The following PLCL1 variants were observed in gnomAD, a reference collection of about 807,000 sequenced individuals.
PLCL1 encodes the protein inactive phospholipase C-like protein 1.
A neutral mutation model predicts 84.4 loss-of-function variants in PLCL1; 41 were observed. That is an observed-to-expected ratio of 0.49 (90% CI 0.38 to 0.63). The LOEUF (loss-of-function observed/expected upper bound fraction) is 0.63. PLCL1 is among the 30% of genes least tolerant of loss of function. PLCL1 has a pLI of 0.00. For synonymous variants in PLCL1, 490 were observed against 488.3 expected (o/e 1.00, Z -0.05); for missense variants, 1,206 against 1,367.8 (o/e 0.88, Z 1.87).
At chr2:198,056,576 A>T (rs941244148) in intron 1 of PLCL1, among the ~76,000 whole-genome samples, 6 of 152,192 alleles carry the variant, frequency 3.9e-5, no homozygotes, top group Non-Finnish European at 8.8e-5. Flanking sequence ...TGATAATGAA[A>T]CCACCACGAA....
In PLCL1 at chr2:197,858,942, T is replaced by C. The variant is rs1687379569; in HGVS notation, c.240+53603T>C. ...AGCTGGTTACCTTGTTACTCCTCCA[T>C]GGGGCCTCTCTAGTGGACTAGCTCA... On this transcript the variant is annotated intron_variant, in intron 1 of 5. Transcript: ENST00000428675. Among the ~76,000 whole-genome samples, 4 of 152,224 alleles carry C rather than the reference T, an allele frequency of 2.6e-5. No individual in the cohort carries two copies. In the South Asian group the frequency reaches 8.3e-4, roughly 32 times the overall value.
chr2:197,807,251 A>T (rs1690504669), intron 1 of PLCL1, among the ~76,000 whole-genome samples: 1 of 152,218 alleles, frequency 6.6e-6, no homozygotes. Flanking sequence ...ATAGATGTTA[A>T]CACTTTCTTA....
At chr2:198,129,224 A>G (rs1694063862) in intron 5 of PLCL1, among the ~76,000 whole-genome samples, 1 of 152,114 alleles carries the variant, frequency 6.6e-6, no homozygotes, top group African/African-American at 2.4e-5. Flanking sequence ...CTGATCCTGA[A>G]GAGTTTAGCT....
chr2:197,845,420 A>G (rs1316369517), intron 1 of PLCL1, among the ~76,000 whole-genome samples: 1 of 152,174 alleles, frequency 6.6e-6, no homozygotes, highest in Non-Finnish European at 1.5e-5. Context: ...TAATTGGCAT[A>G]GAAATGTTGG....
rs192192380 is a variant in PLCL1, at chr2:197,859,167, T to C, written c.240+53828T>C. 8.5e-5 allele frequency among the ~76,000 whole-genome samples: 7 copies of C among 82,618 alleles called. 1 individual carries two copies. In the East Asian group the frequency reaches 1.7e-3, roughly 20 times the overall value. The allele number at this position is 82,618 out of a possible 152,430, so 54.2% of individuals were successfully genotyped here. ...TGCAAAGAAATGTGGCTGTTTATAA[T>C]CTACCACTAGCTCTGCCTGAAATAG... is the stretch of plus-strand genomic sequence containing the variant. On this transcript the variant is annotated intron_variant, in intron 1 of 5. Transcript: ENST00000428675.
intron 1 of PLCL1, among the ~76,000 whole-genome samples, chr2:198,019,592 A>G (rs1363205610): frequency 6.6e-6 from 1 of 152,258 alleles, no homozygotes; most frequent in African/African-American, 2.4e-5. Context: ...TGAAGCATAC[A>G]CAAGTATCAA....
chr2:198,124,597 CAATT>C (rs1045025457), intron 5 of PLCL1, among the ~76,000 whole-genome samples: 5 of 151,892 alleles, frequency 3.3e-5, no homozygotes, highest in African/African-American at 9.7e-5. Context: ...CAGTGGCACT[CAATT>C]AATTTTTTCA....
In PLCL1 at chr2:198,084,378, C is replaced by T; in HGVS notation, c.861C>T (p.Ile287=). 6.2e-7 allele frequency: 1 copy of T among 1,614,096 alleles called. No individual in the cohort carries two copies. The highest frequency in any genetic ancestry group is 8.5e-7 in the Non-Finnish European group (1 of 1,179,982). Residue 287 remains isoleucine (I), a synonymous_variant, in exon 2 of 6, where the codon ATC becomes ATT. Coordinates refer to ENST00000428675, the MANE Select transcript of PLCL1 (RefSeq NM_006226.4). Reference sequence around the variant, plus strand: ...AGATCAGGTTAAAGTTTAAAGAAATCCAGAAGAGCAAGGAAAAACTAACCA... The same window carrying T: ...AGATCAGGTTAAAGTTTAAAGAAATTCAGAAGAGCAAGGAAAAACTAACCA... ...EAKIRLKFKE[I]QKSKEKLTTR... is the part of the protein sequence containing the mutation.
intron 1 of PLCL1, among the ~76,000 whole-genome samples, chr2:197,928,608 C>T (rs753136649): frequency 6.6e-6 from 1 of 152,046 alleles, no homozygotes; most frequent in Non-Finnish European, 1.5e-5. Flanking sequence ...TTGACTTGGA[C>T]TGGATCCCAC....
In PLCL1 at chr2:198,041,854, C is replaced by T. The variant is rs75952483; in HGVS notation, c.241-41904C>T. Among the ~76,000 whole-genome samples, 873 of 152,174 alleles carry T rather than the reference C, an allele frequency of 5.7e-3. 5 individuals are homozygous for T. Among genetic ancestry groups the T allele is most frequent in the Non-Finnish European group, 9.6e-3 (652 of 67,996 alleles). On this transcript the variant is annotated intron_variant, in intron 1 of 5. Coordinates refer to ENST00000428675, the MANE Select transcript of PLCL1 (RefSeq NM_006226.4). ...TAACAAGGTTGATGATGGAGTTGAG[C>T]ATGGCATGTGTTTTGGACAATAAGA... is the stretch of plus-strand genomic sequence containing the variant.
At chr2:197,838,532 A>G (rs1045451929) in intron 1 of PLCL1, among the ~76,000 whole-genome samples, 5 of 152,256 alleles carry the variant, frequency 3.3e-5, no homozygotes, top group African/African-American at 1.2e-4. Context: ...CAAAGAACAT[A>G]ACATGCGGTA....
At chr2:197,898,046 G>C (rs578099759) in intron 1 of PLCL1, among the ~76,000 whole-genome samples, 2 of 152,170 alleles carry the variant, frequency 1.3e-5, no homozygotes, top group South Asian at 4.1e-4. Context: ...GAGAAGCCAC[G>C]CATTTTAGCT....
At chr2:197,937,985 C>G (rs966122199) in intron 1 of PLCL1, among the ~76,000 whole-genome samples, 16 of 152,060 alleles carry the variant, frequency 1.1e-4, no homozygotes, top group Non-Finnish European at 1.9e-4. Flanking sequence ...GGCAACAACC[C>G]AAGTCTGGAG....
At chr2:198,079,296 T>G (rs546576593) in intron 1 of PLCL1, among the ~76,000 whole-genome samples, 1 of 151,562 alleles carries the variant, frequency 6.6e-6, no homozygotes, top group East Asian at 1.9e-4. Flanking sequence ...ATTAAAAATA[T>G]TAAATATTTA....
chr2:198,090,651 A>T (rs1693003314), intron 3 of PLCL1, among the ~76,000 whole-genome samples: 1 of 152,228 alleles, frequency 6.6e-6, no homozygotes, highest in Non-Finnish European at 1.5e-5. Context: ...CTCATTTTTC[A>T]TGAAATCAAC....
At chr2:197,984,385 A>G (rs1362187214) in intron 1 of PLCL1, among the ~76,000 whole-genome samples, 1 of 151,924 alleles carries the variant, frequency 6.6e-6, no homozygotes, top group Non-Finnish European at 1.5e-5. Flanking sequence ...TAATGTTGAT[A>G]TGTGGAACAA....
chr2:198,108,800 G>C (rs1012436622), intron 5 of PLCL1, among the ~76,000 whole-genome samples: 1 of 151,842 alleles, frequency 6.6e-6, no homozygotes, highest in Non-Finnish European at 1.5e-5. Context: ...TCCAGTATAG[G>C]GACTTGTTTA....
chr2:197,961,064 G>T (rs1430570955), intron 1 of PLCL1, among the ~76,000 whole-genome samples: 5 of 152,014 alleles, frequency 3.3e-5, no homozygotes, highest in African/African-American at 9.7e-5. Context: ...AATCAATAAT[G>T]GTTTATACTA....
intron 1 of PLCL1, among the ~76,000 whole-genome samples, chr2:197,845,134 C>T (rs921873791): frequency 2.0e-5 from 3 of 151,746 alleles, no homozygotes; most frequent in Non-Finnish European, 2.9e-5. Context: ...GTAGAACATC[C>T]GTGAGATAAA....
Sources: allele counts gnomAD v4.1 joint callset (sites outside exome capture counted in the v4.1 genomes callset), GRCh38; gene constraint gnomAD v4.1.1; transcripts MANE v1.5; gene names NCBI Gene and HGNC (gene_info 2026-07-23, HGNC 2026-07-21).